The following INSC variants were observed in gnomAD, a reference collection of about 807,000 sequenced individuals.
The protein encoded by INSC is protein inscuteable homolog.
A neutral mutation model predicts 58.6 loss-of-function variants in INSC; 67 were observed. The observed-to-expected ratio is 1.14, with a 90% CI of 0.94 to 1.40. The LOEUF is 1.40. INSC is among the 40% of genes most tolerant of loss of function. INSC has a pLI of 0.00. For missense variants in INSC, 714 were observed against 692.0 expected (o/e 1.03, Z -0.36); for synonymous variants, 262 against 276.1 (o/e 0.95, Z 0.51).
Position 15,116,865 on chromosome 11 carries a change from C to T in INSC, c.-46+1862C>T, listed in dbSNP as rs1315413255. On this transcript the variant is annotated intron_variant, in intron 1 of 12. Coordinates refer to ENST00000379556, the MANE Select transcript of INSC (RefSeq NM_001042536.3). ...TCTTTCTTTCTCTCTCTCTCTCTCT[C>T]TCTCTCTCTCTCCCCCTCCCTCCCT... Among the ~76,000 whole-genome samples the T allele has an allele frequency of 5.4e-3, 349 of 64,682 alleles. 9 individuals are homozygous for T. The highest frequency in any genetic ancestry group is 0.021 in the African/African-American group (273 of 13,142). 42.4% of individuals were successfully genotyped at this position (64,682 alleles called of 152,430 possible).
intron 2 of INSC, among the ~76,000 whole-genome samples, chr11:15,152,382 C>T (rs1848681927): frequency 6.6e-6 from 1 of 152,176 alleles, no homozygotes; most frequent in African/African-American, 2.4e-5. Flanking sequence ...ATATTTTAAA[C>T]AGGGAAGCCA....
Position 15,225,694 on chromosome 11 carries a change from T to C in INSC, c.1036T>C (p.Ser346Pro). Residue 346 changes from serine to proline, a missense_variant, in exon 9 of 13, where the codon TCT becomes CCT. Ser to Pro is a moderately conservative substitution (Grantham distance 74, BLOSUM62 -1). Transcript: ENST00000379556. ...ATCAGGGGAAGTCTTCCTACTGGCCTCTGCGGCCCTTGCCAACATCACGTT... is the reference window on the plus strand; with the variant it reads ...ATCAGGGGAAGTCTTCCTACTGGCCCCTGCGGCCCTTGCCAACATCACGTT... ...ASSGEVFLLA[S>P]AALANITFFD... is the part of the protein sequence containing the mutation. 6.2e-7 allele frequency: 1 copy of C among 1,614,220 alleles called. No homozygotes were observed. Among genetic ancestry groups the C allele is most frequent in the African/African-American group, 1.3e-5 (1 of 75,062 alleles).
At position 15,175,668 on chromosome 11, in the gene INSC, G is replaced by A. The variant is rs1382862434; in HGVS notation, c.57-73G>A. 16 of 1,166,776 alleles carry A rather than the reference G, an allele frequency of 1.4e-5. No individual in the cohort carries two copies. In the African/African-American group the frequency reaches 2.0e-4, roughly 15 times the overall value. 72.3% of individuals were successfully genotyped at this position (1,166,776 alleles called of 1,614,324 possible). ...TATAATAGGTGCTTAGTAAATATCA[G>A]ATGGCCTAGAATTGAGACCTTTGGA... On this transcript the variant is annotated intron_variant, in intron 2 of 12. Transcript: ENST00000379556.
chr11:15,250,000 T>C (rs1005880514), downstream of INSC, among the ~76,000 whole-genome samples: 1 of 152,240 alleles, frequency 6.6e-6, no homozygotes, highest in African/African-American at 2.4e-5. Context: ...GCCTAAAGCA[T>C]ACACATTGCC....
chr11:15,213,108 A>T (rs747082493), intron 7 of INSC, among the ~76,000 whole-genome samples: 7 of 151,836 alleles, frequency 4.6e-5, no homozygotes, highest in Non-Finnish European at 1.0e-4. Context: ...AGTGCTGCTC[A>T]ACTCAGGATG....
chr11:15,113,143 T>TTCTG (rs1847614010), upstream of INSC, among the ~76,000 whole-genome samples: 1 of 98,642 alleles, frequency 1.0e-5, no homozygotes, highest in Non-Finnish European at 2.3e-5. Flanking sequence ...CTTTCTTTCT[T>TTCTG]TCTGTCTCTC....
chr11:15,152,096 C>T (rs1035800887), intron 2 of INSC, among the ~76,000 whole-genome samples: 2 of 152,136 alleles, frequency 1.3e-5, no homozygotes, highest in African/African-American at 4.8e-5. Flanking sequence ...CTATATTTTG[C>T]AAACAAGAGG....
intron 6 of INSC, among the ~76,000 whole-genome samples, chr11:15,191,543 A>C (rs550345228): frequency 6.6e-6 from 1 of 152,306 alleles, no homozygotes; most frequent in Non-Finnish European, 1.5e-5. Context: ...TGGCTCCCTG[A>C]CATCATGTTT....
intron 11 of INSC, among the ~76,000 whole-genome samples, chr11:15,239,295 T>G (rs12798114): frequency 0.44 from 66,639 of 152,018 alleles, 15,761 homozygotes; most frequent in East Asian, 0.74. Flanking sequence ...AGGTGAAAGT[T>G]GGCCAGAACA....
chr11:15,249,298 A>C (rs1852625193), downstream of INSC, among the ~76,000 whole-genome samples: 1 of 152,240 alleles, frequency 6.6e-6, no homozygotes, highest in South Asian at 2.1e-4. Flanking sequence ...TATTCCTCTG[A>C]AAAGCAACCA....
chr11:15,124,120 C>T (rs111680076), intron 1 of INSC, among the ~76,000 whole-genome samples: 6 of 152,278 alleles, frequency 3.9e-5, no homozygotes, highest in East Asian at 3.9e-4. Flanking sequence ...GCTATCCATC[C>T]GTGAACAAGA....
chr11:15,268,280 C>T, the INSC span, among the ~76,000 whole-genome samples: 1 of 151,950 alleles, frequency 6.6e-6, no homozygotes, highest in Non-Finnish European at 1.5e-5. Context: ...CAGAAGTTGC[C>T]CTTCTATTAA....
At chr11:15,151,056 C>T (rs569506154) in intron 2 of INSC, among the ~76,000 whole-genome samples, 1 of 152,276 alleles carries the variant, frequency 6.6e-6, no homozygotes, top group South Asian at 2.1e-4. Flanking sequence ...TTGCAGTACA[C>T]AAGCTTCACT....
chr11:15,145,896 G>A (rs1273479308), intron 1 of INSC, among the ~76,000 whole-genome samples: 2 of 152,160 alleles, frequency 1.3e-5, no homozygotes, highest in Non-Finnish European at 2.9e-5. Context: ...GTTGCCATTC[G>A]GGAATGGAGT....
intron 5 of INSC, among the ~76,000 whole-genome samples, chr11:15,180,370 C>T (rs1849727351): frequency 6.6e-6 from 1 of 152,116 alleles, no homozygotes; most frequent in Non-Finnish European, 1.5e-5. Context: ...TCAGTGCTTT[C>T]TATGAGGCAG....
At chr11:15,151,071 C>T (rs922236534) in intron 2 of INSC, among the ~76,000 whole-genome samples, 6 of 152,108 alleles carry the variant, frequency 3.9e-5, no homozygotes, top group East Asian at 1.9e-4. Flanking sequence ...TTCACTTTCC[C>T]AGGTCATAGA....
intron 6 of INSC, among the ~76,000 whole-genome samples, chr11:15,193,707 T>C (rs1850266505): frequency 6.6e-6 from 1 of 152,198 alleles, no homozygotes; most frequent in African/African-American, 2.4e-5. Context: ...GACATTTGGG[T>C]TGGTTCCAAG....
At chr11:15,210,663 T>C (rs529295971) in intron 7 of INSC, among the ~76,000 whole-genome samples, 247 of 152,090 alleles carry the variant, frequency 1.6e-3, no homozygotes, top group Non-Finnish European at 2.6e-3. Context: ...AACACAGTGC[T>C]GTTGCTGGGG....
At chr11:15,130,551 T>C (rs776965762) in intron 1 of INSC, among the ~76,000 whole-genome samples, 4 of 152,220 alleles carry the variant, frequency 2.6e-5, no homozygotes, top group Non-Finnish European at 4.4e-5. Flanking sequence ...TTTCTTTTCT[T>C]GTGTTGTTCT....
Sources: allele counts gnomAD v4.1 joint callset (sites outside exome capture counted in the v4.1 genomes callset), GRCh38; gene constraint gnomAD v4.1.1; transcripts MANE v1.5; gene names NCBI Gene and HGNC (gene_info 2026-07-23, HGNC 2026-07-21).